Variants in ADK observed in about 807,000 individuals in gnomAD.
ADK encodes the protein N6,N6-dimethyladenosine kinase.
ADK carries 24 observed loss-of-function variants against 44.7 expected under a neutral mutation model. The observed-to-expected ratio is 0.54, with a 90% confidence interval of 0.39 to 0.76. ADK has a LOEUF of 0.76. ADK is among the 30% of genes least tolerant of loss of function. The pLI is 0.00. For synonymous variants in ADK, 128 were observed against 142.6 expected (o/e 0.90, Z 0.73); for missense variants, 321 against 425.1 (o/e 0.76, Z 2.15).
At chr10:74,240,891 T>C (rs1203242371) in intron 3 of ADK, among the ~76,000 whole-genome samples, 1 of 152,242 alleles carries the variant, frequency 6.6e-6, no homozygotes, top group Non-Finnish European at 1.5e-5. Context: ...ATTAGTATTA[T>C]ATGATATGAA....
At chr10:74,160,417 C>A (rs1190642446) in intron 1 of ADK, among the ~76,000 whole-genome samples, 1 of 152,244 alleles carries the variant, frequency 6.6e-6, no homozygotes, top group East Asian at 1.9e-4. Flanking sequence ...TATGGGGTAG[C>A]CCTGCTCTGC....
chr10:74,310,688 C>A (rs1344091185), intron 3 of ADK, among the ~76,000 whole-genome samples: 1 of 152,152 alleles, frequency 6.6e-6, no homozygotes, highest in Non-Finnish European at 1.5e-5. Flanking sequence ...TTAATAATTT[C>A]TAGTAGCCTT....
chr10:74,470,316 C>T (rs999456706), intron 6 of ADK, among the ~76,000 whole-genome samples: 4 of 151,992 alleles, frequency 2.6e-5, no homozygotes, highest in Admixed American at 1.3e-4. Flanking sequence ...TGAGCCACCG[C>T]GCCCAGCCAC....
chr10:74,453,051 G>A (rs2126768), intron 6 of ADK, among the ~76,000 whole-genome samples: 95,234 of 151,798 alleles, frequency 0.63, 31,576 homozygotes, highest in Middle Eastern at 0.78. Flanking sequence ...TGTGCAAACC[G>A]TGGTGATAGT....
At chr10:74,625,060 T>A (rs529205090) in intron 9 of ADK, among the ~76,000 whole-genome samples, 1 of 152,142 alleles carries the variant, frequency 6.6e-6, no homozygotes, top group African/African-American at 2.4e-5. Context: ...ATTGAGTGCC[T>A]ACTGTATGTC....
chr10:74,658,569 G>A (rs1854578141), intron 9 of ADK, among the ~76,000 whole-genome samples: 1 of 151,928 alleles, frequency 6.6e-6, no homozygotes, highest in African/African-American at 2.4e-5. Flanking sequence ...CCAAGTAACT[G>A]GGACTACAGG....
At chr10:74,589,224 T>A in intron 7 of ADK, 58 bp from the exon 8 acceptor site, 6 of 1,519,088 alleles carry the variant, frequency 3.9e-6, no homozygotes, top group Non-Finnish European at 5.5e-6. Flanking sequence ...AAAAAATGGA[T>A]TATTTCTTCA....
intron 6 of ADK, among the ~76,000 whole-genome samples, chr10:74,411,498 TGTGTG>T (rs1283122281): frequency 6.6e-6 from 1 of 152,210 alleles, no homozygotes; most frequent in Admixed American, 6.5e-5. Context: ...TACTCTCAAG[TGTGTG>T]GTAGCATTAC....
In ADK at chr10:74,502,391, G is replaced by A. The variant is rs575802462; in HGVS notation, c.556-22865G>A. On this transcript the variant is annotated intron_variant, in intron 6 of 10. Coordinates refer to ENST00000539909, the MANE Select transcript of ADK (RefSeq NM_006721.4). ...GTTTATTGCAGTAATTTGCCAAAAA[G>A]CAAGCCATAGTTTAAATTAGAAGAG... Among the ~76,000 whole-genome samples the A allele has an allele frequency of 5.9e-5, 9 of 152,116 alleles. No individual in the cohort carries two copies. In the East Asian group the frequency reaches 1.7e-3, roughly 29 times the overall value.
intron 3 of ADK, among the ~76,000 whole-genome samples, chr10:74,258,947 G>GTTTTTTTTTTTTTTTTT (rs141424052): frequency 3.1e-5 from 3 of 96,126 alleles, no homozygotes; most frequent in Non-Finnish European, 6.3e-5. Flanking sequence ...TTGTTTTTGT[G>GTTTTTTTTTTTTTTTTT]TTTTTTTTTT....
At chr10:74,317,576 A>G (rs1471919526) in intron 4 of ADK, among the ~76,000 whole-genome samples, 2 of 151,968 alleles carry the variant, frequency 1.3e-5, no homozygotes, top group African/African-American at 2.4e-5. Context: ...AAAAAAAAAA[A>G]AAAAGAAATG....
intron 9 of ADK, among the ~76,000 whole-genome samples, chr10:74,648,405 C>T (rs536291741): frequency 5.9e-5 from 9 of 152,220 alleles, no homozygotes; most frequent in East Asian, 1.9e-4. Context: ...CTAGGCCGGG[C>T]GCCGTGGCTC....
chr10:74,665,470 G>A (rs982208455), intron 9 of ADK, among the ~76,000 whole-genome samples: 1 of 152,024 alleles, frequency 6.6e-6, no homozygotes, highest in Non-Finnish European at 1.5e-5. Flanking sequence ...GGCCAAGTGT[G>A]GTGACTCATG....
At chr10:74,227,539 A>G (rs1844587699) in intron 3 of ADK, among the ~76,000 whole-genome samples, 1 of 152,052 alleles carries the variant, frequency 6.6e-6, no homozygotes, top group Non-Finnish European at 1.5e-5. Context: ...GTGAGACCCC[A>G]TCTCTACGAA....
intron 9 of ADK, among the ~76,000 whole-genome samples, chr10:74,669,727 A>G (rs1163981695): frequency 1.3e-5 from 2 of 152,192 alleles, no homozygotes; most frequent in Non-Finnish European, 2.9e-5. Flanking sequence ...ATAAAGAAAC[A>G]CCCAATATTC....
intron 7 of ADK, among the ~76,000 whole-genome samples, chr10:74,561,632 C>A (rs960544202): frequency 5.9e-5 from 9 of 152,108 alleles, no homozygotes; most frequent in Non-Finnish European, 4.4e-5. Flanking sequence ...CAAATAGTTA[C>A]AATATTTTAA....
intron 4 of ADK, among the ~76,000 whole-genome samples, chr10:74,384,245 T>G (rs1026233805): frequency 6.6e-6 from 1 of 152,170 alleles, no homozygotes; most frequent in African/African-American, 2.4e-5. Context: ...TAGCAGGCAC[T>G]CTTCTAGATT....
At chr10:74,591,204 G>A (rs1181045524) in intron 8 of ADK, among the ~76,000 whole-genome samples, 1 of 151,992 alleles carries the variant, frequency 6.6e-6, no homozygotes, top group East Asian at 1.9e-4. Context: ...CCATTAACTA[G>A]CACTATATTC....
intron 1 of ADK, among the ~76,000 whole-genome samples, chr10:74,182,310 C>T (rs906078201): frequency 1.3e-5 from 2 of 151,656 alleles, no homozygotes; most frequent in Non-Finnish European, 2.9e-5. Flanking sequence ...AAAATTGTTT[C>T]ATTTATGGAA....
Sources: gnomAD v4.1 joint callset for allele counts (sites outside exome capture counted in the v4.1 genomes callset) on GRCh38, gnomAD v4.1.1 for gene constraint, MANE v1.5 for transcripts, NCBI Gene and HGNC (gene_info 2026-07-23, HGNC 2026-07-21) for gene names.